TMEM108: variants seen among roughly 807,000 people sequenced by gnomAD.
The protein encoded by TMEM108 is transmembrane protein 108.
A neutral mutation model predicts 35.1 loss-of-function variants in TMEM108; 12 were observed. That is an observed-to-expected ratio of 0.34 (90% confidence interval 0.22 to 0.55). The LOEUF is 0.55. Ranked by LOEUF, TMEM108 falls within the 20% of genes least tolerant of loss-of-function variation. TMEM108 has a pLI of 0.89. For synonymous variants in TMEM108, 287 were observed against 308.6 expected (o/e 0.93, Z 0.73); for missense variants, 680 against 753.3 (o/e 0.90, Z 1.14).
rs1177884458 is a variant in TMEM108 at position 133,248,515 on chromosome 3, A to AACT, written c.40+19165_40+19167dup. ...ATGGAGTTTATAACTTCAGCCAGTG[A>AACT]ACTGCTCCAGCCTTTCCCTTGCAGT... On this transcript the variant is annotated intron_variant, in intron 3 of 5. Coordinates refer to ENST00000321871, the MANE Select transcript of TMEM108 (RefSeq NM_023943.4). 2.6e-5 allele frequency: 4 copies of AACT among 152,282 alleles called. 1 individual carries two copies. The highest frequency in any genetic ancestry group is 9.6e-5 in the African/African-American group (4 of 41,556). 9.4% of individuals were successfully genotyped at this position (152,282 alleles called of 1,614,324 possible). A position where few individuals can be genotyped will look rare whatever the true frequency, so the allele number is the denominator to read the frequency against.
intron 3 of TMEM108, among the ~76,000 whole-genome samples, chr3:133,322,022 G>A (rs2071273462): frequency 6.6e-6 from 1 of 152,102 alleles, no homozygotes; most frequent in Non-Finnish European, 1.5e-5. Context: ...TGGGTCACAG[G>A]AAAAGTGGTG....
chr3:133,180,157 G>T (rs989078797), intron 2 of TMEM108, among the ~76,000 whole-genome samples: 9 of 151,978 alleles, frequency 5.9e-5, no homozygotes, highest in African/African-American at 2.2e-4. Context: ...TATCAAAAGG[G>T]AAAATTCTAG....
intron 2 of TMEM108, among the ~76,000 whole-genome samples, chr3:133,142,338 G>A (rs1485808750): frequency 6.6e-6 from 1 of 152,150 alleles, no homozygotes; most frequent in East Asian, 1.9e-4. Context: ...GACTAGCTAC[G>A]GACAGGAAGG....
At chr3:133,332,084 A>ACG (rs2071402092) in intron 3 of TMEM108, among the ~76,000 whole-genome samples, 1 of 8,748 alleles carries the variant, frequency 1.1e-4, no homozygotes, top group African/African-American at 1.8e-4. Flanking sequence ...GCGCACGTGC[A>ACG]CACACACACA....
chr3:133,078,501 T>C (rs1943772285), intron 2 of TMEM108, among the ~76,000 whole-genome samples: 1 of 152,102 alleles, frequency 6.6e-6, no homozygotes, highest in Non-Finnish European at 1.5e-5. Flanking sequence ...AGATTAAGGC[T>C]TGGAGGGGTC....
chr3:133,336,799 G>A (rs915907313), intron 3 of TMEM108, among the ~76,000 whole-genome samples: 1 of 151,862 alleles, frequency 6.6e-6, no homozygotes, highest in African/African-American at 2.4e-5. Context: ...ACCTGCCTTG[G>A]GCCAGAGGGG....
At chr3:133,168,223 G>T (rs762383568) in intron 2 of TMEM108, among the ~76,000 whole-genome samples, 1 of 152,166 alleles carries the variant, frequency 6.6e-6, no homozygotes, top group South Asian at 2.1e-4. Context: ...AGTTGTGGGG[G>T]CAAGTAGGAT....
At position 133,375,307 on chromosome 3, in the gene TMEM108, C is replaced by A. The variant is rs865948295; in HGVS notation, c.41-4445C>A. On this transcript the variant is annotated intron_variant, in intron 3 of 5. Coordinates refer to ENST00000321871, the MANE Select transcript of TMEM108 (RefSeq NM_023943.4). ...CATTGGAATTTTCAGTAGGAGGAGA[C>A]CTTCTTGTGATGTCTGGACACCCAT... 9.9e-5 allele frequency among the ~76,000 whole-genome samples: 15 copies of A among 152,280 alleles called. No homozygotes were observed. In the South Asian group the frequency reaches 2.9e-3, roughly 29 times the overall value.
chr3:133,250,945 G>T (rs1241531931), intron 3 of TMEM108, among the ~76,000 whole-genome samples: 1 of 152,056 alleles, frequency 6.6e-6, no homozygotes, highest in African/African-American at 2.4e-5. Flanking sequence ...AGCCACTTGT[G>T]TTAAAATTGT....
intron 3 of TMEM108, among the ~76,000 whole-genome samples, chr3:133,312,506 G>C (rs1282115033): frequency 6.6e-6 from 1 of 152,268 alleles, no homozygotes; most frequent in Non-Finnish European, 1.5e-5. Context: ...CACTAGCTGT[G>C]AGCAAGGCTC....
At chr3:133,092,007 T>G (rs1275206162) in intron 2 of TMEM108, among the ~76,000 whole-genome samples, 1 of 152,220 alleles carries the variant, frequency 6.6e-6, no homozygotes, top group Non-Finnish European at 1.5e-5. Flanking sequence ...ATGCTGAGTC[T>G]ATAAAGTATG....
chr3:133,335,319 TAAAAC>T (rs980081871), intron 3 of TMEM108, among the ~76,000 whole-genome samples: 13 of 152,056 alleles, frequency 8.5e-5, no homozygotes, highest in Middle Eastern at 3.4e-3. Context: ...CAGACAAAAA[TAAAAC>T]AAATATATTT....
intron 2 of TMEM108, among the ~76,000 whole-genome samples, chr3:133,216,470 T>C (rs1315131038): frequency 6.6e-6 from 1 of 152,146 alleles, no homozygotes; most frequent in East Asian, 1.9e-4. Context: ...ACTTAAAATC[T>C]ACTCTTAGTG....
Position 133,386,776 on chromosome 3 carries a change from C to T in TMEM108, c.1451-3404C>T, listed in dbSNP as rs888017506. 1.2e-5 allele frequency: 13 copies of T among 1,071,426 alleles called. No homozygotes were observed. In the East Asian group the frequency reaches 1.3e-4, roughly 11 times the overall value. 66.4% of individuals were successfully genotyped at this position (1,071,426 alleles called of 1,614,324 possible). ...CTGCATATGTCATCTCTATACCCTC[C>T]GGTGTTCAGGACAATACAGGATAGT... On this transcript the variant is annotated intron_variant, in intron 4 of 5. Transcript: ENST00000321871.
intron 2 of TMEM108, among the ~76,000 whole-genome samples, chr3:133,200,764 G>A (rs75971626): frequency 0.022 from 3,367 of 152,154 alleles, 63 homozygotes; most frequent in Non-Finnish European, 0.028. Context: ...CCCCACATTT[G>A]TCCCAGCCTT....
At chr3:133,381,664 T>TTCCTCTTTATCTTCCA (rs1377806156) in intron 4 of TMEM108, among the ~76,000 whole-genome samples, 35 of 152,172 alleles carry the variant, frequency 2.3e-4, no homozygotes, top group Admixed American at 6.5e-4. Context: ...ACCCCTCACC[T>TTCCTCTTTATCTTCCA]TCCTCTTTAT....
chr3:133,163,753 G>C (rs557565244), intron 2 of TMEM108, among the ~76,000 whole-genome samples: 2 of 152,176 alleles, frequency 1.3e-5, no homozygotes, highest in Non-Finnish European at 2.9e-5. Context: ...TTGATGCTCA[G>C]GGGCCTGAAT....
chr3:133,316,687 A>G (rs2071203557), intron 3 of TMEM108, among the ~76,000 whole-genome samples: 1 of 152,234 alleles, frequency 6.6e-6, no homozygotes, highest in Non-Finnish European at 1.5e-5. Context: ...TTTGAGAATG[A>G]GCCAAAATGT....
At chr3:133,107,287 C>T (rs990486705) in intron 2 of TMEM108, among the ~76,000 whole-genome samples, 5 of 152,152 alleles carry the variant, frequency 3.3e-5, no homozygotes, top group African/African-American at 4.8e-5. Flanking sequence ...TATCTGCCTT[C>T]TTTTGCAATC....
Sources: allele counts gnomAD v4.1 joint callset (sites outside exome capture counted in the v4.1 genomes callset), GRCh38; gene constraint gnomAD v4.1.1; transcripts MANE v1.5; gene names NCBI Gene and HGNC (gene_info 2026-07-23, HGNC 2026-07-21).